TENM2: variants seen among roughly 807,000 people sequenced by gnomAD.
TENM2 encodes the protein teneurin-2.
A neutral mutation model predicts 245.2 loss-of-function variants in TENM2; 52 were observed. The ratio of observed to expected loss-of-function variants is 0.21; its 90% CI spans 0.17 to 0.27. The LOEUF is 0.27. TENM2 is among the 10% of genes least tolerant of loss of function. TENM2 has a pLI of 1.00. For missense variants in TENM2, 3,046 were observed against 3,666.8 expected (o/e 0.83, Z 4.37); for synonymous variants, 1,363 against 1,438.9 (o/e 0.95, Z 1.19).
At chr5:167,394,260 C>T (rs539295152) in intron 2 of TENM2, among the ~76,000 whole-genome samples, 3 of 152,174 alleles carry the variant, frequency 2.0e-5, no homozygotes, top group East Asian at 3.9e-4. Context: ...TCAGGTCTTA[C>T]ATTTTAAGTC....
At chr5:167,796,366 G>A (rs893896659) in intron 2 of TENM2, among the ~76,000 whole-genome samples, 2 of 150,206 alleles carry the variant, frequency 1.3e-5, no homozygotes, top group African/African-American at 5.1e-5. Flanking sequence ...TTCTCTCCAT[G>A]CTCTCTGGTT....
intron 2 of TENM2, among the ~76,000 whole-genome samples, chr5:167,822,106 T>G (rs1767580123): frequency 6.6e-6 from 1 of 152,102 alleles, no homozygotes; most frequent in Non-Finnish European, 1.5e-5. Flanking sequence ...GTTTGGACAC[T>G]TTTCCAGCAA....
the TENM2 span, among the ~76,000 whole-genome samples, chr5:166,992,582 A>C: frequency 3.3e-5 from 5 of 152,288 alleles, no homozygotes; most frequent in African/African-American, 1.2e-4. Context: ...GAATGAAGCA[A>C]ATTTCAAAAG....
intron 1 of TENM2, among the ~76,000 whole-genome samples, chr5:167,347,842 C>T (rs1758564117): frequency 6.6e-6 from 1 of 152,088 alleles, no homozygotes; most frequent in Admixed American, 6.5e-5. Context: ...GACAAGGTAC[C>T]TTCTCCCTTC....
chr5:167,428,408 A>G (rs1764011362), intron 2 of TENM2, among the ~76,000 whole-genome samples: 1 of 152,306 alleles, frequency 6.6e-6, no homozygotes, highest in African/African-American at 2.4e-5. Context: ...GTTTTTTTAA[A>G]AATAACATTT....
At chr5:167,441,082 C>T (rs1305472819) in intron 2 of TENM2, among the ~76,000 whole-genome samples, 4 of 152,138 alleles carry the variant, frequency 2.6e-5, no homozygotes, top group African/African-American at 9.7e-5. Flanking sequence ...GAGCAGGCTG[C>T]GTTGAAAATG....
intron 2 of TENM2, among the ~76,000 whole-genome samples, chr5:167,531,362 C>T (rs2127593176): frequency 6.6e-6 from 1 of 152,218 alleles, no homozygotes; most frequent in Non-Finnish European, 1.5e-5. Flanking sequence ...CCCAGCTTTA[C>T]TAAGTTATAA....
upstream of TENM2, among the ~76,000 whole-genome samples, chr5:167,280,390 G>T (rs371156706): frequency 1.3e-5 from 2 of 152,152 alleles, no homozygotes; most frequent in Non-Finnish European, 2.9e-5. Flanking sequence ...TATGCTCAGT[G>T]GGGGTGGACG....
chr5:167,990,654 TA>T (rs1783597949), intron 4 of TENM2, among the ~76,000 whole-genome samples: 1 of 152,178 alleles, frequency 6.6e-6, no homozygotes, highest in South Asian at 2.1e-4. Context: ...AACACCATTT[TA>T]AAATGGAGCA....
chr5:167,263,498 A>G, the TENM2 span, among the ~76,000 whole-genome samples: 3 of 152,154 alleles, frequency 2.0e-5, no homozygotes, highest in Non-Finnish European at 2.9e-5. Flanking sequence ...AATTCTATGA[A>G]TTCCATCTAC....
intron 22 of TENM2, 119 bp downstream of exon 24, chr5:168,217,041 C>T (rs1273342839): frequency 1.4e-5 from 17 of 1,177,436 alleles, no homozygotes; most frequent in African/African-American, 1.2e-4. Flanking sequence ...ATACAGATCA[C>T]GGGGTTGTTT....
At chr5:167,406,365 T>C (rs538155124) in intron 2 of TENM2, among the ~76,000 whole-genome samples, 2 of 152,202 alleles carry the variant, frequency 1.3e-5, no homozygotes, top group Non-Finnish European at 2.9e-5. Context: ...GAATTAAGTA[T>C]TATCAATGGA....
intron 3 of TENM2, among the ~76,000 whole-genome samples, chr5:167,934,638 G>C (rs185414770): frequency 1.4e-3 from 219 of 152,322 alleles, no homozygotes; most frequent in Non-Finnish European, 8.4e-4. Context: ...GAGACATGTC[G>C]AGAGCCTTTG....
chr5:167,204,075 T>A, the TENM2 span, among the ~76,000 whole-genome samples: 2 of 151,984 alleles, frequency 1.3e-5, no homozygotes, highest in African/African-American at 2.4e-5. Flanking sequence ...AACATACAGA[T>A]TTTGCATCCC....
chr5:167,127,929 C>A, the TENM2 span, among the ~76,000 whole-genome samples: 6 of 152,168 alleles, frequency 3.9e-5, no homozygotes, highest in African/African-American at 9.7e-5. Context: ...GACCACAGAT[C>A]TACTTCAGCC....
the TENM2 span, among the ~76,000 whole-genome samples, chr5:167,113,329 A>G: frequency 1.3e-5 from 2 of 152,134 alleles, no homozygotes; most frequent in Middle Eastern, 3.2e-3. Flanking sequence ...CTGAAGGCTT[A>G]GGCGATTCAT....
intron 9 of TENM2, among the ~76,000 whole-genome samples, chr5:168,104,872 G>A (rs1261395813): frequency 2.0e-5 from 3 of 152,138 alleles, no homozygotes; most frequent in Non-Finnish European, 2.9e-5. Context: ...GAACTTATTC[G>A]TACATTCAGT....
At chr5:168,166,241 G>A (rs1420065097) in intron 13 of TENM2, among the ~76,000 whole-genome samples, 2 of 152,062 alleles carry the variant, frequency 1.3e-5, no homozygotes, top group East Asian at 3.9e-4. Context: ...GGGAGCAGCA[G>A]CAATGAACAC....
intron 3 of TENM2, among the ~76,000 whole-genome samples, chr5:167,899,395 G>C (rs1005018252): frequency 6.6e-6 from 1 of 152,194 alleles, no homozygotes; most frequent in Admixed American, 6.5e-5. Flanking sequence ...AGCTTGCAAA[G>C]TCATCATGAT....
Sources: allele counts gnomAD v4.1 joint callset (sites outside exome capture counted in the v4.1 genomes callset), GRCh38; gene constraint gnomAD v4.1.1; transcripts MANE v1.5; gene names NCBI Gene and HGNC (gene_info 2026-07-23, HGNC 2026-07-21).